The following CADPS variants were observed in gnomAD, a reference collection of about 807,000 sequenced individuals.
CADPS encodes calcium-dependent secretion activator 1.
A neutral mutation model predicts 167.3 loss-of-function variants in CADPS; 57 were observed. The observed-to-expected ratio is 0.34, with a 90% CI of 0.28 to 0.42. CADPS has a LOEUF of 0.42. Among genes scored for constraint, CADPS ranks in the 20% least tolerant of loss-of-function variants. CADPS has a pLI of 1.00. For synonymous variants in CADPS, 676 were observed against 635.3 expected (o/e 1.06, Z -0.96); for missense variants, 1,414 against 1,738.1 (o/e 0.81, Z 3.32).
At chr3:62,533,179 T>G in intron 12 of CADPS, 121 bp from the exon 13 acceptor site, 1 of 773,370 alleles carries the variant, frequency 1.3e-6, no homozygotes, top group Non-Finnish European at 2.1e-6. Flanking sequence ...ACTCCTTGAT[T>G]GCCTATTATG....
chr3:62,596,345 G>A (rs537928967), intron 6 of CADPS, among the ~76,000 whole-genome samples: 75 of 151,888 alleles, frequency 4.9e-4, no homozygotes, highest in Non-Finnish European at 8.8e-4. Flanking sequence ...ACAGGTGCCC[G>A]CCACCGTGCC....
At chr3:62,669,398 G>A (rs2075109165) in intron 3 of CADPS, among the ~76,000 whole-genome samples, 1 of 152,186 alleles carries the variant, frequency 6.6e-6, no homozygotes, top group Non-Finnish European at 1.5e-5. Flanking sequence ...TTACAGCTGG[G>A]ACAGTGTCAG....
chr3:62,839,153 G>A (rs2153032520), intron 1 of CADPS, among the ~76,000 whole-genome samples: 1 of 152,240 alleles, frequency 6.6e-6, no homozygotes, highest in Non-Finnish European at 1.5e-5. Context: ...GAAAAGCTTT[G>A]CTTTAAGTTG....
In CADPS at chr3:62,458,318, C is replaced by T. The variant is rs539459447; in HGVS notation, c.3636+7049G>A. On this transcript the variant is annotated intron_variant, in intron 26 of 29. Transcript: ENST00000383710. The surrounding 1 kb of genome is among the most constrained non-coding windows in gnomAD (Gnocchi z 4.6). ...TCAGAAACGGTCAATAGCCTGCCTA[C>T]GTTTCTGTTAGTCTGGGCTTCACAG... Among the ~76,000 whole-genome samples the T allele has an allele frequency of 3.3e-5, 5 of 152,064 alleles. No individual in the cohort carries two copies. The highest frequency in any genetic ancestry group is 7.4e-5 in the Non-Finnish European group (5 of 68,024).
intron 3 of CADPS, among the ~76,000 whole-genome samples, chr3:62,746,400 T>C: frequency 6.6e-6 from 1 of 152,054 alleles, no homozygotes; most frequent in South Asian, 2.1e-4. Context: ...GGTGGGTGTT[T>C]TCATGGCTCA....
chr3:62,577,251 T>G (rs2082471594), intron 8 of CADPS, among the ~76,000 whole-genome samples: 1 of 152,178 alleles, frequency 6.6e-6, no homozygotes, highest in African/African-American at 2.4e-5. Flanking sequence ...ATTTGTGAAT[T>G]TAACGTGAAT....
chr3:62,851,429 T>C (rs991909868), intron 1 of CADPS, among the ~76,000 whole-genome samples: 3 of 147,162 alleles, frequency 2.0e-5, no homozygotes, highest in African/African-American at 5.0e-5. Flanking sequence ...TTCCTTTCCA[T>C]GTTTAGCGCT....
chr3:62,765,965 T>C lies in CADPS; in HGVS notation c.461A>G (p.Gln154Arg), dbSNP rs758428664. The C allele has an allele frequency of 1.9e-6, 3 of 1,612,672 alleles. No homozygotes were observed. Among genetic ancestry groups the C allele is most frequent in the Non-Finnish European group, 2.5e-6 (3 of 1,178,934 alleles). Reference protein sequence around the residue: ...RQQKISKQQLQTVKDRFQAFL... With the variant: ...RQQKISKQQLRTVKDRFQAFL... ...AGCCTGAAACCGGTCCTTGACTGTC[T>C]GCAGCTGCTGTTTGCTGATCTGTAA... Residue 154 changes from glutamine (Q) to arginine (R), a missense_variant, in exon 2 of 30, where the codon CAG (glutamine) becomes CGG (arginine). Physicochemically the swap from Gln to Arg is conservative, Grantham distance 43. Around this residue, in one of 6 missense-constraint regions of CADPS, gnomAD observed 522 missense variants for 559.5 expected, o/e 0.93. Coordinates refer to ENST00000383710, the MANE Select transcript of CADPS (RefSeq NM_003716.4).
chr3:62,557,917 T>C (rs2078456036), intron 9 of CADPS, among the ~76,000 whole-genome samples: 1 of 152,242 alleles, frequency 6.6e-6, no homozygotes, highest in Non-Finnish European at 1.5e-5. Context: ...TTTTGTATGT[T>C]CTACCTAATG....
chr3:62,475,572 C>A, intron 23 of CADPS, among the ~76,000 whole-genome samples: 1 of 120,412 alleles, frequency 8.3e-6, no homozygotes, highest in African/African-American at 3.3e-5. Context: ...AGGTTGGGAG[C>A]CCAGTTCTTA....
intron 6 of CADPS, among the ~76,000 whole-genome samples, chr3:62,613,004 CAGT>C (rs2061708206): frequency 6.6e-6 from 1 of 152,154 alleles, no homozygotes; most frequent in African/African-American, 2.4e-5. Context: ...GTTGTGAATA[CAGT>C]AGAACAGAGT....
At chr3:62,630,872 C>T (rs1479924631) in intron 6 of CADPS, among the ~76,000 whole-genome samples, 1 of 152,100 alleles carries the variant, frequency 6.6e-6, no homozygotes, top group Non-Finnish European at 1.5e-5. Flanking sequence ...TGGTTTCAGT[C>T]ACCCTGACAA....
intron 1 of CADPS, among the ~76,000 whole-genome samples, chr3:62,774,678 A>G (rs1416186335): frequency 2.6e-5 from 4 of 152,240 alleles, no homozygotes; most frequent in Non-Finnish European, 5.9e-5. Context: ...CCAAAACAAA[A>G]TAATAGTGAA....
intron 1 of CADPS, among the ~76,000 whole-genome samples, chr3:62,808,742 T>C (rs1322839503): frequency 6.6e-6 from 1 of 152,156 alleles, no homozygotes; most frequent in Non-Finnish European, 1.5e-5. Flanking sequence ...TGCCACCTTC[T>C]ATGCAAATAC....
At chr3:62,818,780 G>A (rs2094749736) in intron 1 of CADPS, among the ~76,000 whole-genome samples, 1 of 152,150 alleles carries the variant, frequency 6.6e-6, no homozygotes, top group East Asian at 1.9e-4. Context: ...CAGCCAAAAT[G>A]TCCATCAAAA....
chr3:62,761,618 C>T (rs1282238826), intron 2 of CADPS, among the ~76,000 whole-genome samples: 1 of 151,732 alleles, frequency 6.6e-6, no homozygotes, highest in African/African-American at 2.4e-5. Flanking sequence ...TTCTCTGATG[C>T]CAGGACCAGC....
intron 1 of CADPS, among the ~76,000 whole-genome samples, chr3:62,793,097 A>G (rs905227346): frequency 2.6e-5 from 4 of 152,200 alleles, no homozygotes; most frequent in Non-Finnish European, 5.9e-5. Context: ...ACTTGTCAGC[A>G]TAAGAAGTGT....
chr3:62,414,982 G>A (rs770742620), intron 28 of CADPS, among the ~76,000 whole-genome samples: 3 of 151,930 alleles, frequency 2.0e-5, no homozygotes, highest in South Asian at 2.1e-4. Flanking sequence ...GGAAGTGACC[G>A]CTGGGCAAAA....
At chr3:62,740,091 C>A (rs866406088) in intron 3 of CADPS, among the ~76,000 whole-genome samples, 1 of 152,328 alleles carries the variant, frequency 6.6e-6, no homozygotes, top group Middle Eastern at 3.4e-3. Context: ...TTGACCTAGA[C>A]TGAGCATGGC....
Sources: gnomAD v4.1 joint callset for allele counts (sites outside exome capture counted in the v4.1 genomes callset) on GRCh38, gnomAD v4.1.1 for gene constraint, gnomAD v4.1.1 regional missense constraint, Gnocchi (gnomAD v3.1) non-coding constraint, MANE v1.5 for transcripts, NCBI Gene and HGNC (gene_info 2026-07-23, HGNC 2026-07-21) for gene names.